PRKG1: variants seen among roughly 807,000 people sequenced by gnomAD.
PRKG1 encodes cGMP-dependent protein kinase 1.
PRKG1 carries 35 observed loss-of-function variants against 88.1 expected under a neutral mutation model. The ratio of observed to expected loss-of-function variants is 0.40; its 90% confidence interval spans 0.30 to 0.53. The LOEUF (loss-of-function observed/expected upper bound fraction) is 0.53. Among genes scored for constraint, PRKG1 ranks in the 20% least tolerant of loss-of-function variants. The probability of loss-of-function intolerance (pLI) is 0.59; values close to 1 mark genes in which losing one functional copy is unlikely to be tolerated. For missense variants in PRKG1, 540 were observed against 839.8 expected (o/e 0.64, Z 4.41); for synonymous variants, 303 against 292.5 (o/e 1.04, Z -0.37).
At chr10:51,667,134 T>C (rs1840441939) in intron 3 of PRKG1, among the ~76,000 whole-genome samples, 1 of 152,172 alleles carries the variant, frequency 6.6e-6, no homozygotes, top group Non-Finnish European at 1.5e-5. Context: ...TCCAAAATAT[T>C]GTTAATTATA....
chr10:51,038,560 C>T (rs1354135767), intron 1 of PRKG1, among the ~76,000 whole-genome samples: 3 of 152,186 alleles, frequency 2.0e-5, no homozygotes, highest in Non-Finnish European at 4.4e-5. Flanking sequence ...TTATCTCCCA[C>T]AAACAAGTGA....
In PRKG1 at chr10:52,282,293, A is replaced by C; in HGVS notation, c.1686A>C (p.Leu562=). 6.2e-7 allele frequency: 1 copy of C among 1,604,714 alleles called. No individual in the cohort carries two copies. Among genetic ancestry groups the C allele is most frequent in the Non-Finnish European group, 8.5e-7 (1 of 1,174,920 alleles). The part of the protein sequence containing the change: ...ISADYWSLGI[L]MYELLTGSPP... The stretch of plus-strand genomic sequence containing the variant: ...CCGACTACTGGTCACTGGGAATCCT[A>C]ATGTATGAACTCCTGACTGGCAGGT... Residue 562 remains leucine, a synonymous_variant, in exon 14 of 18, where the codon CTA becomes CTC. Coordinates refer to ENST00000373980, the MANE Select transcript of PRKG1 (RefSeq NM_006258.4).
At chr10:51,768,983 C>T (rs1374387522) in intron 3 of PRKG1, among the ~76,000 whole-genome samples, 1 of 152,096 alleles carries the variant, frequency 6.6e-6, no homozygotes, top group Non-Finnish European at 1.5e-5. Context: ...ATTTGAACAT[C>T]CCAGGGATAA....
chr10:51,419,209 T>C (rs74132008), intron 2 of PRKG1, among the ~76,000 whole-genome samples: 2 of 152,308 alleles, frequency 1.3e-5, no homozygotes, highest in African/African-American at 2.4e-5. Context: ...TGAGAAATAA[T>C]TTATTTTATT....
intron 3 of PRKG1, among the ~76,000 whole-genome samples, chr10:51,537,598 A>G (rs1380261162): frequency 1.3e-5 from 2 of 151,914 alleles, no homozygotes; most frequent in Non-Finnish European, 1.5e-5. Context: ...GCGTGGTGGC[A>G]TGCACCTGTA....
At chr10:51,126,482 A>G (rs1368854914) in intron 1 of PRKG1, among the ~76,000 whole-genome samples, 1 of 142,678 alleles carries the variant, frequency 7.0e-6, no homozygotes, top group Non-Finnish European at 1.5e-5. Flanking sequence ...TATATAATCT[A>G]TTTATAAATG....
At chr10:51,578,451 G>T (rs1837943172) in intron 3 of PRKG1, among the ~76,000 whole-genome samples, 1 of 151,912 alleles carries the variant, frequency 6.6e-6, no homozygotes, top group Non-Finnish European at 1.5e-5. Context: ...CCAAAATTTT[G>T]TCCGTCATGA....
At chr10:51,082,987 A>G (rs1564593307) in intron 1 of PRKG1, among the ~76,000 whole-genome samples, 1 of 152,220 alleles carries the variant, frequency 6.6e-6, no homozygotes, top group Non-Finnish European at 1.5e-5. Context: ...ATATTCAGCC[A>G]GGGTTGAGAA....
At chr10:51,466,773 A>G (rs573760942) in intron 2 of PRKG1, among the ~76,000 whole-genome samples, 1 of 152,192 alleles carries the variant, frequency 6.6e-6, no homozygotes, top group Non-Finnish European at 1.5e-5. Context: ...AAATCAAAGT[A>G]TAAAGGCCTG....
intron 1 of PRKG1, among the ~76,000 whole-genome samples, chr10:51,001,640 A>G (rs1196675675): frequency 2.0e-5 from 3 of 152,222 alleles, no homozygotes; most frequent in African/African-American, 7.2e-5. Context: ...TTTTCTTTCT[A>G]GAGCATTGTT....
At chr10:52,255,088 G>A (rs1451581320) in intron 10 of PRKG1, among the ~76,000 whole-genome samples, 1 of 152,050 alleles carries the variant, frequency 6.6e-6, no homozygotes, top group African/African-American at 2.4e-5. Flanking sequence ...GTTACTGTCT[G>A]TTTACAGTAT....
chr10:51,350,360 A>G (rs1419018965), intron 2 of PRKG1, among the ~76,000 whole-genome samples: 1 of 152,218 alleles, frequency 6.6e-6, no homozygotes, highest in African/African-American at 2.4e-5. Flanking sequence ...GGAGTCAGGT[A>G]GATGGGTTCT....
Position 51,628,122 on chromosome 10 carries a change from CTCTTTCTTTCTTTCTTTCTT to C in PRKG1, c.592+160308_592+160327del, listed in dbSNP as rs11269617. 7.7e-3 allele frequency among the ~76,000 whole-genome samples: 900 copies of C among 116,880 alleles called. 6 individuals are homozygous for C. The highest frequency in any genetic ancestry group is 0.046 in the Middle Eastern group (11 of 238). 76.7% of individuals were successfully genotyped at this position (116,880 alleles called of 152,430 possible). ...CCTTTCTTTCTTTCCTTCTTTATTT[CTCTTTCTTTCTTTCTTTCTT>C]TCTTTCTTTCTTTCTTTCTTTATTT... On this transcript the variant is annotated intron_variant, in intron 3 of 17. Transcript: ENST00000373980.
chr10:52,145,439 A>G (rs988323379), intron 8 of PRKG1, among the ~76,000 whole-genome samples: 2 of 152,234 alleles, frequency 1.3e-5, no homozygotes, highest in Non-Finnish European at 2.9e-5. Flanking sequence ...TAATTTCTTC[A>G]GTTAAAAAGA....
chr10:51,918,879 G>T (rs907806908), intron 5 of PRKG1, among the ~76,000 whole-genome samples: 1 of 152,012 alleles, frequency 6.6e-6, no homozygotes, highest in African/African-American at 2.4e-5. Context: ...CATATTTGTA[G>T]CTGCCAGAAA....
chr10:52,148,985 G>GTTTTTTTTTTTTTTTTTTTTTTTTT (rs1837819341), intron 8 of PRKG1, among the ~76,000 whole-genome samples: 2 of 74,692 alleles, frequency 2.7e-5, no homozygotes, highest in African/African-American at 1.3e-4. Context: ...TTTTTTTTTA[G>GTTTTTTTTTTTTTTTTTTTTTTTTT]GTTTGGAAAG....
At chr10:51,735,686 G>C (rs988686202) in intron 3 of PRKG1, among the ~76,000 whole-genome samples, 1 of 151,598 alleles carries the variant, frequency 6.6e-6, no homozygotes, top group South Asian at 2.1e-4. Flanking sequence ...AAATTATCTC[G>C]AGTAGTTATA....
intron 3 of PRKG1, among the ~76,000 whole-genome samples, chr10:51,712,431 C>T (rs1176135526): frequency 6.6e-6 from 1 of 152,030 alleles, no homozygotes; most frequent in African/African-American, 2.4e-5. Context: ...GAAGTGTGTT[C>T]TAAACTCTAT....
At chr10:51,356,694 C>G (rs1223336591) in intron 2 of PRKG1, among the ~76,000 whole-genome samples, 1 of 151,952 alleles carries the variant, frequency 6.6e-6, no homozygotes, top group Non-Finnish European at 1.5e-5. Flanking sequence ...TTGGTCAACT[C>G]CTGTATCTTG....
Sources: gnomAD v4.1 joint callset for allele counts (sites outside exome capture counted in the v4.1 genomes callset) on GRCh38, gnomAD v4.1.1 for gene constraint, MANE v1.5 for transcripts, NCBI Gene and HGNC (gene_info 2026-07-23, HGNC 2026-07-21) for gene names.